Variants in GNAO1 observed in about 807,000 individuals in gnomAD.
GNAO1 encodes G protein subunit alpha o1, also known as guanine nucleotide-binding protein G(o) subunit alpha.
For missense variants in GNAO1, 166 were observed against 478.7 expected (o/e 0.35, Z 6.10); for synonymous variants, 164 against 180.7 (o/e 0.91, Z 0.74).
At chr16:56,213,636 A>G (rs2036411030) in intron 2 of GNAO1, among the ~76,000 whole-genome samples, 1 of 152,082 alleles carries the variant, frequency 6.6e-6, no homozygotes, top group South Asian at 2.1e-4. Flanking sequence ...ATGCCTTGAT[A>G]TTACAGTTTT....
Position 56,345,065 on chromosome 16 carries a change from CA to C in GNAO1, c.724-6317del, listed in dbSNP as rs769984305. ...CAGCACAAACACACCCCCCTGTCCC[CA>C]ACTCTAAAGGGAGAGTCCTAGGACT... is the stretch of plus-strand genomic sequence containing the variant. On this transcript the variant is annotated intron_variant, in intron 6 of 8. Coordinates refer to ENST00000262493, the MANE Select transcript of GNAO1 (RefSeq NM_020988.3). 4.8e-5 allele frequency: 47 copies of C among 985,540 alleles called. No homozygotes were observed. The South Asian group carries it at 6.1e-4, about 13-fold the overall frequency. The allele number at this position is 985,540 out of a possible 1,614,324, so 61.0% of individuals were successfully genotyped here.
chr16:56,262,418 G>C (rs1410888908), intron 2 of GNAO1, among the ~76,000 whole-genome samples: 1 of 152,246 alleles, frequency 6.6e-6, no homozygotes, highest in Non-Finnish European at 1.5e-5. Context: ...TTGTCTGTGA[G>C]CTGTCAGCCA....
intron 2 of GNAO1, among the ~76,000 whole-genome samples, chr16:56,217,494 G>T (rs565240477): frequency 2.6e-5 from 4 of 152,264 alleles, no homozygotes; most frequent in African/African-American, 9.6e-5. Context: ...GCTGCCTAAG[G>T]GGGCAAGAGA....
At chr16:56,355,912 T>G (rs1455616471) in intron 8 of GNAO1, 191 bp from the exon 9 acceptor site, 2 of 139,458 alleles carry the variant, frequency 1.4e-5, no homozygotes, top group Non-Finnish European at 3.0e-5. Context: ...CGAGTCAGGG[T>G]CTCAGGGGGG....
chr16:56,309,515 G>A (rs1467185468), intron 3 of GNAO1, among the ~76,000 whole-genome samples: 1 of 152,192 alleles, frequency 6.6e-6, no homozygotes, highest in African/African-American at 2.4e-5. Context: ...CAAGGGTGGG[G>A]ACAAGGACAG....
intron 3 of GNAO1, among the ~76,000 whole-genome samples, chr16:56,291,217 G>A (rs2587882): frequency 0.031 from 4,645 of 152,214 alleles, 181 homozygotes; most frequent in East Asian, 0.18. Context: ...TGGCTACACC[G>A]TCTTACATTC....
At chr16:56,327,037 G>C (rs1450600515) in intron 3 of GNAO1, among the ~76,000 whole-genome samples, 2 of 152,120 alleles carry the variant, frequency 1.3e-5, no homozygotes, top group African/African-American at 4.8e-5. Flanking sequence ...CTTCCTCTCT[G>C]TGGCCCTCAA....
chr16:56,312,069 G>T (rs1804377353), intron 3 of GNAO1, among the ~76,000 whole-genome samples: 1 of 152,122 alleles, frequency 6.6e-6, no homozygotes, highest in Admixed American at 6.5e-5. Context: ...GGGCTGCCGG[G>T]CTCTGGGCCA....
chr16:56,270,419 GACAC>G (rs148497109), intron 2 of GNAO1: 296 of 146,346 alleles, frequency 2.0e-3, no homozygotes, highest in East Asian at 5.6e-3. Flanking sequence ...TCCCCACCCT[GACAC>G]ACACACACAC....
Position 56,336,874 on chromosome 16 carries a change from G to GC in GNAO1, c.723+20dup, listed in dbSNP as rs764028554. 5 of 1,604,308 alleles carry GC rather than the reference G, an allele frequency of 3.1e-6. No individual in the cohort carries two copies. In the South Asian group the frequency reaches 3.3e-5, roughly 11 times the overall value. On this transcript the variant is annotated intron_variant, in intron 6 of 8. Transcript: ENST00000262493. ...GACGAAACCACGGTGAGTGGCCTGGGCCCCCCGGGCAGGGGGCAGCGCTGA... is the reference window on the plus strand; with the variant it reads ...GACGAAACCACGGTGAGTGGCCTGGGCCCCCCCGGGCAGGGGGCAGCGCTGA...
intron 3 of GNAO1, among the ~76,000 whole-genome samples, chr16:56,322,070 G>A (rs2037577795): frequency 1.3e-5 from 2 of 152,194 alleles, no homozygotes; most frequent in African/African-American, 4.8e-5. Context: ...CTCACGTGGT[G>A]GAAGGGGTGT....
At chr16:56,203,512 G>C (rs113355299) in intron 2 of GNAO1, among the ~76,000 whole-genome samples, 23 of 152,226 alleles carry the variant, frequency 1.5e-4, no homozygotes, top group African/African-American at 5.3e-4. Context: ...CAAGGAGGAA[G>C]CGTGCTTATC....
chr16:56,276,060 TAAG>T lies in GNAO1; in HGVS notation c.292_294del (p.Lys98del). On this transcript the variant is annotated inframe_deletion, in exon 3 of 9. Transcript: ENST00000262493. ...ACACTTTGGGCATCGAATATGGTGATAAGGAGAGAAAGGTAGGCCCCTGAGCCC... is the reference window on the plus strand; with the variant it reads ...ACACTTTGGGCATCGAATATGGTGATGAGAGAAAGGTAGGCCCCTGAGCCC... 1 of 1,613,666 alleles carries T rather than the reference TAAG, an allele frequency of 6.2e-7. No individual in the cohort carries two copies. Among genetic ancestry groups the T allele is most frequent in the Non-Finnish European group, 8.5e-7 (1 of 1,179,796 alleles).
chr16:56,351,623 G>C lies in GNAO1; in HGVS notation c.877+86G>C. 9.7e-7 allele frequency: 1 copy of C among 1,027,060 alleles called. No individual in the cohort carries two copies. The highest frequency in any genetic ancestry group is 2.4e-5 in the East Asian group (1 of 41,904). 63.6% of individuals were successfully genotyped at this position (1,027,060 alleles called of 1,614,324 possible). On this transcript the variant is annotated intron_variant, in intron 7 of 8. Transcript: ENST00000262493. This position sits in a 1 kb window ranked among gnomAD's most constrained non-coding sequence, Gnocchi z 6.1. ...GAGAACAGGCTGCTCGGCCAGCACTGCTGGGGCTAGCTGGCGAGCGGGACC... is the reference window on the plus strand; with the variant it reads ...GAGAACAGGCTGCTCGGCCAGCACTCCTGGGGCTAGCTGGCGAGCGGGACC...
intron 2 of GNAO1, chr16:56,192,928 G>A: frequency 3.4e-6 from 1 of 298,374 alleles, no homozygotes. Flanking sequence ...CATTACTCTT[G>A]CTTGTGGAAT....
intron 3 of GNAO1, among the ~76,000 whole-genome samples, chr16:56,319,843 G>C (rs577300490): frequency 4.6e-5 from 7 of 152,150 alleles, no homozygotes; most frequent in African/African-American, 1.7e-4. Context: ...GTCTCCACAG[G>C]CCTCTTCCTC....
chr16:56,326,154 T>C lies in GNAO1; in HGVS notation c.304-2477T>C, dbSNP rs562153990. On this transcript the variant is annotated intron_variant, in intron 3 of 8. Coordinates refer to ENST00000262493, the MANE Select transcript of GNAO1 (RefSeq NM_020988.3). The surrounding 1 kb of genome is among the most constrained non-coding windows in gnomAD (Gnocchi z 4.8). ...GTGTTCCCAGCCATGCCTCTTCCTG[T>C]CGCTGGGACATCTCGCAGTGCCACT... is the stretch of plus-strand genomic sequence containing the variant. Among the ~76,000 whole-genome samples the C allele has an allele frequency of 1.3e-5, 2 of 152,174 alleles. No homozygotes were observed. Among genetic ancestry groups the C allele is most frequent in the Non-Finnish European group, 2.9e-5 (2 of 68,036 alleles).
intron 6 of GNAO1, among the ~76,000 whole-genome samples, chr16:56,337,855 C>T (rs2037758113): frequency 6.6e-6 from 1 of 152,178 alleles, no homozygotes; most frequent in South Asian, 2.1e-4. Flanking sequence ...GGAGACAAGC[C>T]CCAACACTCC....
chr16:56,240,322 C>T (rs1223668151), intron 2 of GNAO1, among the ~76,000 whole-genome samples: 1 of 152,156 alleles, frequency 6.6e-6, no homozygotes, highest in Non-Finnish European at 1.5e-5. Context: ...TCTGCCTCCT[C>T]ACATCCAAAT....
Sources: gnomAD v4.1 joint callset for allele counts (sites outside exome capture counted in the v4.1 genomes callset) on GRCh38, gnomAD v4.1.1 for gene constraint, Gnocchi (gnomAD v3.1) non-coding constraint, MANE v1.5 for transcripts, NCBI Gene and HGNC (gene_info 2026-07-23, HGNC 2026-07-21) for gene names.